TSPEAR: variants seen among roughly 807,000 people sequenced by gnomAD.
TSPEAR encodes the protein thrombospondin type laminin G domain and EAR repeats.
Under a neutral mutation model 71.6 loss-of-function variants are expected in TSPEAR, and 69 were observed. The ratio of observed to expected loss-of-function variants is 0.96; its 90% CI spans 0.79 to 1.18. TSPEAR has a LOEUF of 1.18. TSPEAR is among the 50% of genes most tolerant of loss of function. TSPEAR has a pLI of 0.00. For missense variants in TSPEAR, 971 were observed against 894.9 expected (o/e 1.09, Z -1.09); for synonymous variants, 402 against 387.2 (o/e 1.04, Z -0.45).
In TSPEAR at chr21:44,513,312, G is replaced by C. The variant is rs140576521; in HGVS notation, c.1567-3926C>G. Among the ~76,000 whole-genome samples the C allele has an allele frequency of 7.1e-3, 1,080 of 152,302 alleles. 8 individuals are homozygous for C. The highest frequency in any genetic ancestry group is 0.024 in the African/African-American group (1,009 of 41,552). ...GGGCCTTCTCACATTCAGAAGTGAG[G>C]AGGTGCCCCCCAGGGGCTGTGCCAA... is the stretch of plus-strand genomic sequence containing the variant. On this transcript the variant is annotated intron_variant, in intron 9 of 11. Coordinates refer to ENST00000323084, the MANE Select transcript of TSPEAR (RefSeq NM_144991.3).
intron 1 of TSPEAR, among the ~76,000 whole-genome samples, chr21:44,669,688 A>G (rs1336789263): frequency 2.0e-5 from 3 of 152,152 alleles, no homozygotes; most frequent in African/African-American, 7.2e-5. Context: ...CCATCCCAGT[A>G]TTCCCACCAT....
intron 1 of TSPEAR, among the ~76,000 whole-genome samples, chr21:44,672,346 G>A (rs371311408): frequency 5.3e-5 from 8 of 152,268 alleles, no homozygotes; most frequent in East Asian, 3.9e-4. Flanking sequence ...TAAGGCGGGC[G>A]GATCACAAGG....
In TSPEAR at chr21:44,533,666, TC is replaced by T; in HGVS notation, c.542+18del. 6.3e-7 allele frequency: 1 copy of T among 1,587,028 alleles called. No individual in the cohort carries two copies. ...GACTCTGAGGACTGCAGGTGCACCC[TC>T]CCCGGGTGGGTACCTACATGTCCAC... On this transcript the variant is annotated intron_variant, in intron 3 of 11. Coordinates refer to ENST00000323084, the MANE Select transcript of TSPEAR (RefSeq NM_144991.3).
intron 9 of TSPEAR, chr21:44,510,063 A>C (rs587631232): frequency 3.9e-4 from 60 of 152,868 alleles, no homozygotes; most frequent in Middle Eastern, 3.4e-3. Context: ...ACCACCGTCA[A>C]GAGGCAACAG....
At chr21:44,610,611 C>A (rs1032426813) in intron 1 of TSPEAR, among the ~76,000 whole-genome samples, 2 of 152,168 alleles carry the variant, frequency 1.3e-5, no homozygotes, top group Non-Finnish European at 2.9e-5. Context: ...AGGGCCAGGG[C>A]CCCCACACAG....
At chr21:44,614,443 C>T (rs1303839940) in intron 1 of TSPEAR, among the ~76,000 whole-genome samples, 6 of 152,238 alleles carry the variant, frequency 3.9e-5, no homozygotes, top group African/African-American at 1.4e-4. Flanking sequence ...GACAGGGAGT[C>T]CAAGAAACCT....
chr21:44,503,968 T>G, intron 11 of TSPEAR, among the ~76,000 whole-genome samples: 1 of 124,660 alleles, frequency 8.0e-6, no homozygotes, highest in Admixed American at 8.3e-5. Context: ...CCGGAGTTGG[T>G]GAGCCCTCGG....
At chr21:44,605,927 T>C (rs1352240643) in intron 1 of TSPEAR, among the ~76,000 whole-genome samples, 2 of 151,778 alleles carry the variant, frequency 1.3e-5, no homozygotes, top group Non-Finnish European at 2.9e-5. Context: ...AAAGCACACC[T>C]AACAAAATAA....
chr21:44,560,238 G>T (rs1488714861), intron 2 of TSPEAR, among the ~76,000 whole-genome samples: 1 of 152,028 alleles, frequency 6.6e-6, no homozygotes, highest in Non-Finnish European at 1.5e-5. Flanking sequence ...AGACAAAGAA[G>T]GGCATTACAT....
At chr21:44,676,502 T>C in intron 1 of TSPEAR, 1 of 808,722 alleles carries the variant, frequency 1.2e-6, no homozygotes. Context: ...TCGATTCCTC[T>C]GAGTCTGGCA....
At chr21:44,671,946 A>G (rs75420029) in intron 1 of TSPEAR, among the ~76,000 whole-genome samples, 6,276 of 152,292 alleles carry the variant, frequency 0.041, 141 homozygotes, top group Middle Eastern at 0.086. Flanking sequence ...AACTATACAA[A>G]TAAACCAGAA....
In TSPEAR at chr21:44,627,887, G is replaced by T; in HGVS notation, c.83-59882C>A. The T allele has an allele frequency of 6.2e-7, 1 of 1,612,978 alleles. No individual in the cohort carries two copies. Among genetic ancestry groups the T allele is most frequent in the Middle Eastern group, 1.7e-4 (1 of 6,048 alleles). On this transcript the variant is annotated intron_variant, in intron 1 of 11. Coordinates refer to ENST00000323084, the MANE Select transcript of TSPEAR (RefSeq NM_144991.3). ...GTGTCCCTCCTCTGCCGCCCTGTGT[G>T]CAGGCCCGCCTGCTGCGTGCCCGTC...
At chr21:44,565,382 T>C (rs982202559) in intron 2 of TSPEAR, among the ~76,000 whole-genome samples, 1 of 152,178 alleles carries the variant, frequency 6.6e-6, no homozygotes, top group African/African-American at 2.4e-5. Context: ...ATTAGTCTCA[T>C]ACCATAATCA....
intron 1 of TSPEAR, among the ~76,000 whole-genome samples, chr21:44,651,357 T>C (rs1474472506): frequency 3.3e-5 from 5 of 152,190 alleles, no homozygotes; most frequent in Non-Finnish European, 1.5e-5. Flanking sequence ...AAGTTGGATG[T>C]GTGTCCTGTG....
At chr21:44,637,481 T>G in intron 1 of TSPEAR, 1 of 1,613,406 alleles carries the variant, frequency 6.2e-7, no homozygotes, top group Non-Finnish European at 8.5e-7. Context: ...GGTAGTCGAC[T>G]GCCCAGAGAG....
chr21:44,653,395 GC>G (rs1374047987), intron 1 of TSPEAR, among the ~76,000 whole-genome samples: 1 of 152,046 alleles, frequency 6.6e-6, no homozygotes, highest in African/African-American at 2.4e-5. Context: ...CTCTGACAGG[GC>G]TGCCCCCGGG....
intron 1 of TSPEAR, among the ~76,000 whole-genome samples, chr21:44,701,013 AC>A (rs1165521658): frequency 6.6e-6 from 1 of 151,788 alleles, no homozygotes; most frequent in South Asian, 2.1e-4. Flanking sequence ...GTGAAATGAC[AC>A]CCCCCAGACA....
At chr21:44,676,374 A>G in intron 1 of TSPEAR, 1 of 1,124,548 alleles carries the variant, frequency 8.9e-7, no homozygotes, top group South Asian at 1.2e-5. Flanking sequence ...CCAGTGGGAC[A>G]GCAGGCATTT....
chr21:44,504,440 T>C (rs1461721192), intron 11 of TSPEAR, among the ~76,000 whole-genome samples: 1 of 132,520 alleles, frequency 7.5e-6, no homozygotes, highest in Non-Finnish European at 1.6e-5. Context: ...CTGGCCTCAG[T>C]GAGCCCACAG....
Sources: gnomAD v4.1 joint callset for allele counts (sites outside exome capture counted in the v4.1 genomes callset) on GRCh38, gnomAD v4.1.1 for gene constraint, MANE v1.5 for transcripts, NCBI Gene and HGNC (gene_info 2026-07-23, HGNC 2026-07-21) for gene names.